Variants in APOOL observed in about 807,000 individuals in gnomAD.
APOOL encodes apolipoprotein O like, also known as MICOS complex subunit MIC27.
A neutral mutation model predicts 23.1 loss-of-function variants in APOOL; 12 were observed. The ratio of observed to expected loss-of-function variants is 0.52; its 90% CI spans 0.33 to 0.84. The LOEUF (loss-of-function observed/expected upper bound fraction) is 0.84, where lower values mean the gene tolerates loss of function less well. APOOL is among the 40% of genes least tolerant of loss of function. The pLI, the probability that APOOL is intolerant of heterozygous loss-of-function variation, is 0.02. For missense variants in APOOL, 212 were observed against 199.6 expected, an observed-to-expected ratio of 1.06 and a Z score of -0.37; for synonymous variants, 77 against 69.9, an observed-to-expected ratio of 1.10 and a Z score of -0.51.
rs765052491 is a variant in APOOL, at chrX:85,006,557, TA to T, written c.15+2644del. Among the ~76,000 whole-genome samples, 269 of 96,042 alleles carry T rather than the reference TA, an allele frequency of 2.8e-3. 1 individual carries two copies. The highest frequency in any genetic ancestry group is 6.4e-3 in the African/African-American group (170 of 26,485). The allele number at this position is 96,042 out of a possible 115,157, so 83.4% of individuals were successfully genotyped here. A position where few individuals can be genotyped will look rare whatever the true frequency, so the allele number is the denominator to read the frequency against. On this transcript the variant is annotated intron_variant, in intron 1 of 8. Coordinates refer to ENST00000373173, the MANE Select transcript of APOOL (RefSeq NM_198450.6). ...AATTCCAGAAAAGGTGTCTTTTAAT[TA>T]AAAAAAAAAAAAACTAAAAACAAAA... is the stretch of plus-strand genomic sequence containing the variant.
chrX:85,040,718 A>G lies in APOOL; in HGVS notation c.16-5728A>G, dbSNP rs185814556. Reference sequence around the variant, plus strand: ...TTATATTATGAAATTTTTACAGTACATTTTTTCGGTTCTTTCTATTGGTTT... The same window carrying G: ...TTATATTATGAAATTTTTACAGTACGTTTTTTCGGTTCTTTCTATTGGTTT... On this transcript the variant is annotated intron_variant, in intron 1 of 8. Transcript: ENST00000373173. Among the ~76,000 whole-genome samples, 664 of 111,423 alleles carry G rather than the reference A, an allele frequency of 6.0e-3. 4 individuals are homozygous for G. Among genetic ancestry groups the G allele is most frequent in the African/African-American group, 0.02 (628 of 30,690 alleles).
At chrX:85,084,397 A>G (rs1924220882) in intron 8 of APOOL, among the ~76,000 whole-genome samples, 2 of 110,328 alleles carry the variant, frequency 1.8e-5, no homozygotes, top group Admixed American at 1.9e-4. Context: ...GGCCTCCCAA[A>G]GTGCTGGGAT....
intron 1 of APOOL, among the ~76,000 whole-genome samples, chrX:85,043,052 A>T (rs1337922009): frequency 9.0e-6 from 1 of 111,364 alleles, no homozygotes; most frequent in African/African-American, 3.3e-5. Context: ...TTGCAGGCAC[A>T]GTTGGAGGGG....
In APOOL at chrX:85,092,383, A is replaced by G; in HGVS notation, c.*4705A>G. ...GCTGTGTTGGGATGAGTTGTTACAA[A>G]GCCTCTTTCATTCTTCCCATGCCAT... On this transcript the variant is annotated 3_prime_UTR_variant, in exon 9 of 9. Coordinates refer to ENST00000373173, the MANE Select transcript of APOOL (RefSeq NM_198450.6). The G allele has an allele frequency of 8.6e-7, 1 of 1,160,275 alleles. No homozygotes were observed. Among genetic ancestry groups the G allele is most frequent in the South Asian group, 2.0e-5 (1 of 50,954 alleles).
At chrX:85,062,312 G>T (rs1298455215) in intron 5 of APOOL, among the ~76,000 whole-genome samples, 5 of 111,159 alleles carry the variant, frequency 4.5e-5, no homozygotes, top group African/African-American at 1.6e-4. Context: ...CTCCCATTCT[G>T]TACGTTGTCT....
At chrX:85,058,971 C>T (rs1032734421) in intron 5 of APOOL, among the ~76,000 whole-genome samples, 3 of 108,350 alleles carry the variant, frequency 2.8e-5, no homozygotes, top group Admixed American at 2.0e-4. Context: ...TGGTGTGCTG[C>T]ACCCATTAAC....
chrX:85,004,666 C>G (rs929869739), intron 1 of APOOL, among the ~76,000 whole-genome samples: 1 of 112,113 alleles, frequency 8.9e-6, no homozygotes, highest in Non-Finnish European at 1.9e-5. Context: ...GTCTACAGTT[C>G]TGGTTCTCAT....
At chrX:85,064,572 A>G (rs1181173196) in intron 5 of APOOL, among the ~76,000 whole-genome samples, 5 of 110,987 alleles carry the variant, frequency 4.5e-5, no homozygotes, top group African/African-American at 1.6e-4. Context: ...AGATTCTGGC[A>G]TGTTGTCTCT....
intron 1 of APOOL, among the ~76,000 whole-genome samples, chrX:85,016,483 A>C (rs1921476235): frequency 1.8e-5 from 2 of 110,308 alleles, no homozygotes; most frequent in African/African-American, 6.6e-5. Context: ...CATGTATAGG[A>C]ATGTTGATCT....
chrX:85,060,818 A>C (rs985076910), intron 5 of APOOL, among the ~76,000 whole-genome samples: 2 of 111,626 alleles, frequency 1.8e-5, no homozygotes, highest in African/African-American at 6.5e-5. Flanking sequence ...CAATCATGTC[A>C]TCTGTGAACA....
intron 5 of APOOL, among the ~76,000 whole-genome samples, chrX:85,065,134 G>C (rs1923405192): frequency 9.0e-6 from 1 of 111,474 alleles, no homozygotes; most frequent in Non-Finnish European, 1.9e-5. Flanking sequence ...ATTATGTAAT[G>C]ACCTTCTTTG....
At position 85,092,626 on chromosome X, in the gene APOOL, A is replaced by G; in HGVS notation, c.*4948A>G. ...AAGTATAATCTTCGTTAACACATATATTTTATTGAAGGTCTACTCTATGCA... is the reference window on the plus strand; with the variant it reads ...AAGTATAATCTTCGTTAACACATATGTTTTATTGAAGGTCTACTCTATGCA... On this transcript the variant is annotated 3_prime_UTR_variant, in exon 9 of 9. Coordinates refer to ENST00000373173, the MANE Select transcript of APOOL (RefSeq NM_198450.6). 2.0e-6 allele frequency: 2 copies of G among 1,012,845 alleles called. No individual in the cohort carries two copies. The highest frequency in any genetic ancestry group is 4.5e-5 in the South Asian group (2 of 44,253). 83.5% of individuals were successfully genotyped at this position (1,012,845 alleles called of 1,213,427 possible).
chrX:85,030,826 T>TG (rs1167193950), intron 1 of APOOL, among the ~76,000 whole-genome samples: 1 of 111,781 alleles, frequency 8.9e-6, no homozygotes, highest in Non-Finnish European at 1.9e-5. Flanking sequence ...GTTTGGGTTA[T>TG]GGGTGCACTA....
chrX:85,065,433 G>A (rs189545703), intron 5 of APOOL, among the ~76,000 whole-genome samples: 274 of 111,836 alleles, frequency 2.5e-3, no homozygotes, highest in African/African-American at 8.6e-3. Flanking sequence ...ATGCTGGCTA[G>A]TTAATTTGCA....
intron 2 of APOOL, among the ~76,000 whole-genome samples, chrX:85,050,606 CA>C (rs58559539): frequency 0.075 from 4,639 of 61,859 alleles, 222 homozygotes; most frequent in African/African-American, 0.21. Context: ...AATATAAAAG[CA>C]AAAAAAAAAA....
Position 85,093,044 on chromosome X carries a change from C to A in APOOL, c.*5366C>A. ...GTATATGATCATCTGATTTGAAAAT[C>A]CAGTTTAATTTGGGTAGAAATTTGA... On this transcript the variant is annotated 3_prime_UTR_variant, in exon 9 of 9. Transcript: ENST00000373173. 1 of 531,803 alleles carries A rather than the reference C, an allele frequency of 1.9e-6. No homozygotes were observed. The allele number at this position is 531,803 out of a possible 1,213,427, so 43.8% of individuals were successfully genotyped here.
intron 1 of APOOL, among the ~76,000 whole-genome samples, chrX:85,043,337 A>C (rs1434839016): frequency 9.0e-6 from 1 of 110,633 alleles, no homozygotes; most frequent in Non-Finnish European, 1.9e-5. Context: ...TGAGGCTGTA[A>C]GTTTTTTATA....
intron 1 of APOOL, among the ~76,000 whole-genome samples, chrX:85,016,448 C>G (rs1569453167): frequency 9.1e-6 from 1 of 110,440 alleles, no homozygotes; most frequent in Non-Finnish European, 1.9e-5. Flanking sequence ...GTTTCAGCTA[C>G]TTGGATCATA....
At chrX:85,056,709 C>A (rs750679667) in intron 5 of APOOL, among the ~76,000 whole-genome samples, 6 of 111,652 alleles carry the variant, frequency 5.4e-5, no homozygotes, top group African/African-American at 2.0e-4. Context: ...TGCCATTACA[C>A]TTCAGCCTGG....
Sources: gnomAD v4.1 joint callset for allele counts (sites outside exome capture counted in the v4.1 genomes callset) on GRCh38, gnomAD v4.1.1 for gene constraint, MANE v1.5 for transcripts, NCBI Gene and HGNC (gene_info 2026-07-23, HGNC 2026-07-21) for gene names.